Variants in SORCS2 observed in about 807,000 individuals in gnomAD.
SORCS2 encodes the protein sortilin related VPS10 domain containing receptor 2, also known as VPS10 domain-containing receptor SorCS2.
Under a neutral mutation model 141.6 loss-of-function variants are expected in SORCS2, and 100 were observed. That is an observed-to-expected ratio of 0.71 (90% CI 0.60 to 0.83). The LOEUF (loss-of-function observed/expected upper bound fraction) is 0.83. SORCS2 is among the 40% of genes least tolerant of loss of function. The pLI is 0.00. For missense variants in SORCS2, 1,646 were observed against 1,560.2 expected (o/e 1.05, Z -0.93); for synonymous variants, 789 against 676.9 (o/e 1.17, Z -2.57).
intron 9 of SORCS2, among the ~76,000 whole-genome samples, chr4:7,681,891 CA>C (rs1723548439): frequency 6.6e-6 from 1 of 152,208 alleles, no homozygotes; most frequent in Non-Finnish European, 1.5e-5. Flanking sequence ...GCTGCATATA[CA>C]GGTGCAGAAA....
chr4:7,316,563 A>C (rs1718574442), intron 1 of SORCS2, among the ~76,000 whole-genome samples: 1 of 152,218 alleles, frequency 6.6e-6, no homozygotes, highest in African/African-American at 2.4e-5. Context: ...ACCCTGGACA[A>C]GTTATCTGAC....
At chr4:7,635,712 C>CTTGT (rs1232789058) in intron 3 of SORCS2, among the ~76,000 whole-genome samples, 2 of 152,210 alleles carry the variant, frequency 1.3e-5, no homozygotes, top group Non-Finnish European at 2.9e-5. Flanking sequence ...TCGGTTCTTC[C>CTTGT]TTGTTTTTTT....
At chr4:7,630,338 C>A (rs939950163) in intron 3 of SORCS2, among the ~76,000 whole-genome samples, 2 of 152,230 alleles carry the variant, frequency 1.3e-5, no homozygotes, top group Non-Finnish European at 2.9e-5. Context: ...GCGATTTCTC[C>A]AAGAGTAGAT....
intron 3 of SORCS2, among the ~76,000 whole-genome samples, chr4:7,588,267 G>A (rs182280396): frequency 8.5e-5 from 13 of 152,304 alleles, no homozygotes; most frequent in Admixed American, 7.2e-4. Context: ...GCTGTGAAAT[G>A]TCTCCCACAA....
chr4:7,324,030 T>C (rs568364643), intron 1 of SORCS2, among the ~76,000 whole-genome samples: 1 of 152,276 alleles, frequency 6.6e-6, no homozygotes, highest in Admixed American at 6.5e-5. Flanking sequence ...ACGCGATGGG[T>C]CTCTCACAGG....
intron 1 of SORCS2, among the ~76,000 whole-genome samples, chr4:7,349,006 C>G (rs912364668): frequency 6.6e-6 from 1 of 152,224 alleles, no homozygotes; most frequent in South Asian, 2.1e-4. Flanking sequence ...CACCCCTTCC[C>G]CCCTCTGGCT....
At chr4:7,387,642 C>A (rs1232776203) in intron 1 of SORCS2, among the ~76,000 whole-genome samples, 6 of 141,180 alleles carry the variant, frequency 4.2e-5, no homozygotes, top group African/African-American at 1.6e-4. Context: ...CACGCACACA[C>A]ATGCCCACCA....
At chr4:7,475,699 T>TCA (rs1191712410) in intron 2 of SORCS2, among the ~76,000 whole-genome samples, 1 of 151,812 alleles carries the variant, frequency 6.6e-6, no homozygotes, top group South Asian at 2.1e-4. Flanking sequence ...ATGTTCATGT[T>TCA]CACACACAAC....
chr4:7,579,784 A>G (rs1199241648), intron 3 of SORCS2, among the ~76,000 whole-genome samples: 1 of 152,124 alleles, frequency 6.6e-6, no homozygotes, highest in African/African-American at 2.4e-5. Flanking sequence ...TAAAAAACCT[A>G]TGCACATCTG....
At chr4:7,704,102 A>G (rs1577094781) in intron 13 of SORCS2, 75 bp from the exon 14 acceptor site, 1 of 1,393,344 alleles carries the variant, frequency 7.2e-7, no homozygotes, top group Admixed American at 1.9e-5. Flanking sequence ...CTCCAGCTGG[A>G]CCCGCCGGGC....
intron 1 of SORCS2, among the ~76,000 whole-genome samples, chr4:7,337,355 CAG>C (rs1243886523): frequency 2.0e-5 from 3 of 152,114 alleles, no homozygotes; most frequent in African/African-American, 7.2e-5. Flanking sequence ...GGGTGGTTGT[CAG>C]GGGGCAGGAG....
At position 7,742,516 on chromosome 4, in the gene SORCS2, G is replaced by A. The variant is rs1560128967; in HGVS notation, c.*2252G>A. The A allele has an allele frequency of 6.6e-6, 1 of 152,230 alleles. No homozygotes were observed. The highest frequency in any genetic ancestry group is 1.5e-5 in the Non-Finnish European group (1 of 68,054). The allele number at this position is 152,230 out of a possible 1,614,324, so 9.4% of individuals were successfully genotyped here. The stretch of plus-strand genomic sequence containing the variant: ...TATCTGTGGGTTTCCTGTATTTTAT[G>A]TTAATATTTCTATTAAGAACATGTT... On this transcript the variant is annotated 3_prime_UTR_variant, in exon 27 of 27. Transcript: ENST00000507866.
chr4:7,739,087 G>A (rs918903586), intron 26 of SORCS2, among the ~76,000 whole-genome samples: 4 of 152,284 alleles, frequency 2.6e-5, no homozygotes, highest in African/African-American at 7.2e-5. Flanking sequence ...GGCAGTCATC[G>A]ACATTGCGCC....
chr4:7,706,375 T>TCCGC (rs1725457675), intron 14 of SORCS2, among the ~76,000 whole-genome samples: 1 of 145,186 alleles, frequency 6.9e-6, no homozygotes, highest in African/African-American at 2.7e-5. Context: ...GAGGCTGGGC[T>TCCGC]CTGTCTGGGC....
intron 3 of SORCS2, among the ~76,000 whole-genome samples, chr4:7,572,263 G>A (rs1000508327): frequency 3.9e-5 from 6 of 152,048 alleles, no homozygotes; most frequent in Admixed American, 1.3e-4. Flanking sequence ...AAAAATATGG[G>A]ATATGCACCC....
chr4:7,309,494 A>C (rs2108917632), intron 1 of SORCS2, among the ~76,000 whole-genome samples: 1 of 152,322 alleles, frequency 6.6e-6, no homozygotes, highest in East Asian at 1.9e-4. Context: ...CCTGGTTGAC[A>C]CCGGGCGACA....
chr4:7,714,434 G>A, intron 16 of SORCS2, 61 bp downstream of exon 16: 1 of 1,517,422 alleles, frequency 6.6e-7, no homozygotes. Context: ...TCACAGCATG[G>A]CGGCCACTTC....
intron 21 of SORCS2, among the ~76,000 whole-genome samples, chr4:7,727,378 C>T (rs977027054): frequency 3.3e-5 from 5 of 152,150 alleles, no homozygotes; most frequent in African/African-American, 7.2e-5. Flanking sequence ...GGCTCTTAGT[C>T]CCTCGTGGGA....
intron 2 of SORCS2, among the ~76,000 whole-genome samples, chr4:7,458,466 T>G (rs1729066138): frequency 2.0e-5 from 3 of 152,120 alleles, no homozygotes; most frequent in Non-Finnish European, 4.4e-5. Context: ...CCGTGGAGAA[T>G]TCCCCCATGG....
Sources: gnomAD v4.1 joint callset for allele counts (sites outside exome capture counted in the v4.1 genomes callset) on GRCh38, gnomAD v4.1.1 for gene constraint, MANE v1.5 for transcripts, NCBI Gene and HGNC (gene_info 2026-07-23, HGNC 2026-07-21) for gene names.